ELF2: variants seen among roughly 807,000 people sequenced by gnomAD.
ELF2 encodes E74 like ETS transcription factor 2.
ELF2 carries 11 observed loss-of-function variants against 54.8 expected under a neutral mutation model. The ratio of observed to expected loss-of-function variants is 0.20; its 90% CI spans 0.13 to 0.33. The LOEUF is 0.33. Ranked by LOEUF, ELF2 falls within the 10% of genes least tolerant of loss-of-function variation. ELF2 has a pLI of 1.00. For missense variants in ELF2, 513 were observed against 703.0 expected (o/e 0.73, Z 3.06); for synonymous variants, 203 against 245.1 (o/e 0.83, Z 1.61).
chr4:139,133,273 T>C (rs1229233263), intron 3 of ELF2, among the ~76,000 whole-genome samples: 1 of 152,218 alleles, frequency 6.6e-6, no homozygotes, highest in Non-Finnish European at 1.5e-5. Flanking sequence ...TCCTTATCCT[T>C]TCCAACATGT....
chr4:139,101,396 G>A (rs1004971908), intron 4 of ELF2, among the ~76,000 whole-genome samples: 6 of 152,190 alleles, frequency 3.9e-5, no homozygotes, highest in African/African-American at 1.4e-4. Flanking sequence ...CCTTTGATAA[G>A]CACAAGAATT....
rs529967179 is a variant in ELF2, at chr4:139,173,976, C to T, written c.-252+2991G>A. Among the ~76,000 whole-genome samples, 39 of 150,808 alleles carry T rather than the reference C, an allele frequency of 2.6e-4. 1 individual carries two copies. The highest frequency in any genetic ancestry group is 1.3e-3 in the Admixed American group (20 of 15,126). On this transcript the variant is annotated intron_variant, in intron 1 of 9. Coordinates refer to ENST00000686138, the MANE Select transcript of ELF2 (RefSeq NM_001331036.3). ...CGGTGGCTCACCCCTGTAATCCCAGCACTTTGGGAGGCCAAGGCGGGCGGA... is the reference window on the plus strand; with the variant it reads ...CGGTGGCTCACCCCTGTAATCCCAGTACTTTGGGAGGCCAAGGCGGGCGGA...
intron 1 of ELF2, among the ~76,000 whole-genome samples, chr4:139,158,249 G>A (rs1458175377): frequency 6.6e-6 from 1 of 152,134 alleles, no homozygotes; most frequent in East Asian, 1.9e-4. Context: ...TAATGTCATC[G>A]ATTAAGGCAG....
chr4:139,151,096 A>AAAGAAAGAAAGAAAGAAAG (rs1560871880), intron 1 of ELF2, among the ~76,000 whole-genome samples: 1 of 128,212 alleles, frequency 7.8e-6, no homozygotes, highest in African/African-American at 3.2e-5. Context: ...AAGAAAGAAA[A>AAAGAAAGAAAGAAAGAAAG]AGAGAGCTAT....
intron 1 of ELF2, among the ~76,000 whole-genome samples, chr4:139,165,974 A>C (rs1253211701): frequency 6.6e-6 from 1 of 152,198 alleles, no homozygotes; most frequent in Non-Finnish European, 1.5e-5. Context: ...TCAATTGCTG[A>C]TTATAATAAA....
At chr4:139,106,079 A>T in intron 4 of ELF2, among the ~76,000 whole-genome samples, 1 of 152,202 alleles carries the variant, frequency 6.6e-6, no homozygotes, top group East Asian at 1.9e-4. Flanking sequence ...TTGGCCATGG[A>T]AATTTTTGTC....
At chr4:139,135,279 G>GTGTGTGTGTGTGTGTGTGTGTGTA (rs373283677) in intron 3 of ELF2, among the ~76,000 whole-genome samples, 3 of 136,502 alleles carry the variant, frequency 2.2e-5, no homozygotes, top group African/African-American at 8.4e-5. Flanking sequence ...GTGTGTGTGT[G>GTGTGTGTGTGTGTGTGTGTGTGTA]TATATATGAA....
chr4:139,141,417 T>A (rs946452402), intron 1 of ELF2, among the ~76,000 whole-genome samples: 1 of 152,182 alleles, frequency 6.6e-6, no homozygotes, highest in Non-Finnish European at 1.5e-5. Flanking sequence ...ATATAAAGCC[T>A]ACAGGTCCAA....
intron 1 of ELF2, among the ~76,000 whole-genome samples, chr4:139,142,662 T>C (rs1375579904): frequency 6.6e-6 from 1 of 152,104 alleles, no homozygotes; most frequent in Non-Finnish European, 1.5e-5. Flanking sequence ...CAAACTACTT[T>C]TGCACAAACC....
chr4:139,071,620 C>T (rs1011613375), intron 6 of ELF2, among the ~76,000 whole-genome samples: 1 of 151,910 alleles, frequency 6.6e-6, no homozygotes, highest in East Asian at 1.9e-4. Flanking sequence ...TTCTGTGTGT[C>T]GAACACCTGT....
chr4:139,099,446 G>C (rs1733642651), intron 4 of ELF2, among the ~76,000 whole-genome samples: 1 of 152,160 alleles, frequency 6.6e-6, no homozygotes, highest in African/African-American at 2.4e-5. Flanking sequence ...AAGCAAACGA[G>C]CACAAATATA....
At chr4:139,166,109 G>A (rs1054411197) in intron 1 of ELF2, among the ~76,000 whole-genome samples, 1 of 152,120 alleles carries the variant, frequency 6.6e-6, no homozygotes, top group Non-Finnish European at 1.5e-5. Flanking sequence ...AGGCCGAGAC[G>A]GGCGGATCAC....
rs750909947 is a variant in ELF2 at position 139,169,346 on chromosome 4, T to TCA, written c.-252+7620_-252+7621insTG. 1.2e-3 allele frequency among the ~76,000 whole-genome samples: 90 copies of TCA among 77,506 alleles called. 16 individuals are homozygous for TCA. Among genetic ancestry groups the TCA allele is most frequent in the African/African-American group, 2.5e-3 (55 of 21,692 alleles). 50.8% of individuals were successfully genotyped at this position (77,506 alleles called of 152,430 possible). A position where few individuals can be genotyped will look rare whatever the true frequency, so the allele number is the denominator to read the frequency against. ...CTGGGCTACAGAGCGGGACTACATT[T>TCA]AAAAAAAAAAAAAAAAAAAACTATC... On this transcript the variant is annotated intron_variant, in intron 1 of 9. Transcript: ENST00000686138.
intron 3 of ELF2, 140 bp downstream of exon 3, chr4:139,137,490 T>C: frequency 1.2e-6 from 1 of 815,518 alleles, no homozygotes; most frequent in Non-Finnish European, 1.9e-6. Context: ...CTAAATTATA[T>C]AAGGATACAC....
chr4:139,156,716 T>C (rs556817869), intron 1 of ELF2, among the ~76,000 whole-genome samples: 3 of 152,092 alleles, frequency 2.0e-5, no homozygotes, highest in Non-Finnish European at 4.4e-5. Flanking sequence ...CTCAGCTCAC[T>C]GCAACCTCCA....
chr4:139,149,378 G>A (rs755566795), intron 1 of ELF2, among the ~76,000 whole-genome samples: 4 of 152,158 alleles, frequency 2.6e-5, no homozygotes, highest in African/African-American at 4.8e-5. Context: ...TTGGGATGCC[G>A]AGGCAGGTGG....
At chr4:139,150,762 C>A (rs2148883306) in intron 1 of ELF2, among the ~76,000 whole-genome samples, 1 of 152,084 alleles carries the variant, frequency 6.6e-6, no homozygotes, top group East Asian at 1.9e-4. Flanking sequence ...GTGGCTCATG[C>A]CTGTAATCCC....
intron 3 of ELF2, among the ~76,000 whole-genome samples, chr4:139,135,235 ATATGTGTGTG>A (rs1269577318): frequency 0.013 from 1,721 of 131,922 alleles, 25 homozygotes; most frequent in African/African-American, 0.034. Context: ...ACTACTATAT[ATATGTGTGTG>A]TGTGTGTGTG....
chr4:139,107,975 A>AG (rs1734584332), intron 4 of ELF2, among the ~76,000 whole-genome samples: 1 of 152,258 alleles, frequency 6.6e-6, no homozygotes, highest in East Asian at 1.9e-4. Flanking sequence ...GAAAAAAAAA[A>AG]AGGCATGGTA....
Sources: allele counts gnomAD v4.1 joint callset (sites outside exome capture counted in the v4.1 genomes callset), GRCh38; gene constraint gnomAD v4.1.1; transcripts MANE v1.5; gene names NCBI Gene and HGNC (gene_info 2026-07-23, HGNC 2026-07-21).